Variants in ENOX1 observed in about 807,000 individuals in gnomAD.
The protein encoded by ENOX1 is ecto-NOX disulfide-thiol exchanger 1.
A neutral mutation model predicts 82.5 loss-of-function variants in ENOX1; 42 were observed. That is an observed-to-expected ratio of 0.51 (90% confidence interval 0.40 to 0.66). The LOEUF is 0.66. Among genes scored for constraint, ENOX1 ranks in the 30% least tolerant of loss-of-function variants. The pLI is 0.00. For synonymous variants in ENOX1, 271 were observed against 282.2 expected (o/e 0.96, Z 0.40); for missense variants, 608 against 811.6 (o/e 0.75, Z 3.05).
At chr13:43,224,936 G>A (rs1224233628) in intron 15 of ENOX1, among the ~76,000 whole-genome samples, 1 of 152,178 alleles carries the variant, frequency 6.6e-6, no homozygotes, top group Non-Finnish European at 1.5e-5. Flanking sequence ...TGAACATGAG[G>A]AAGTCAACTC....
rs138082862 is a variant in ENOX1 at position 43,372,587 on chromosome 13, C to T, written c.209-11135G>A. 6.3e-3 allele frequency among the ~76,000 whole-genome samples: 953 copies of T among 152,212 alleles called. 4 individuals are homozygous for T. The highest frequency in any genetic ancestry group is 8.7e-3 in the Non-Finnish European group (592 of 68,008). The stretch of plus-strand genomic sequence containing the variant: ...CATAATCCCATGCCTCAGGGGAATA[C>T]TACAACCTAACAGGAACATAACTGA... On this transcript the variant is annotated intron_variant, in intron 5 of 16. Transcript: ENST00000690772.
At chr13:43,748,411 G>A (rs1460359537) in intron 1 of ENOX1, among the ~76,000 whole-genome samples, 2 of 152,214 alleles carry the variant, frequency 1.3e-5, no homozygotes, top group East Asian at 3.8e-4. Flanking sequence ...ATTCTGATAT[G>A]TAGGAATTAT....
chr13:43,634,875 T>C (rs372035855), intron 2 of ENOX1, among the ~76,000 whole-genome samples: 7 of 151,976 alleles, frequency 4.6e-5, no homozygotes, highest in Non-Finnish European at 1.0e-4. Context: ...AACACAGAAG[T>C]TGTAGGTGGG....
At chr13:43,253,061 C>G (rs1213594393) in intron 14 of ENOX1, among the ~76,000 whole-genome samples, 2 of 152,178 alleles carry the variant, frequency 1.3e-5, no homozygotes, top group Admixed American at 6.5e-5. Context: ...GCTTCCAATT[C>G]AAGAGCCTTA....
chr13:43,678,505 A>G (rs960496136), intron 1 of ENOX1, among the ~76,000 whole-genome samples: 13 of 152,192 alleles, frequency 8.5e-5, no homozygotes, highest in African/African-American at 2.9e-4. Context: ...GAATGAATGC[A>G]TGTGTCTGTC....
At chr13:43,249,958 T>A (rs2043357599) in intron 14 of ENOX1, among the ~76,000 whole-genome samples, 1 of 152,202 alleles carries the variant, frequency 6.6e-6, no homozygotes, top group Admixed American at 6.5e-5. Flanking sequence ...GCACTGGAGA[T>A]CTTCTGATTA....
chr13:43,285,089 C>T (rs9525756), intron 12 of ENOX1, among the ~76,000 whole-genome samples: 2 of 151,980 alleles, frequency 1.3e-5, no homozygotes, highest in African/African-American at 2.4e-5. Flanking sequence ...AAAGTGAGGA[C>T]CAGATTGGGC....
intron 2 of ENOX1, among the ~76,000 whole-genome samples, chr13:43,636,882 G>A (rs532042652): frequency 6.8e-4 from 103 of 152,274 alleles, no homozygotes; most frequent in South Asian, 2.7e-3. Context: ...GCAGGCAAGC[G>A]CATATTCTAT....
intron 1 of ENOX1, among the ~76,000 whole-genome samples, chr13:43,731,189 C>T (rs1298087529): frequency 6.6e-6 from 1 of 152,172 alleles, no homozygotes; most frequent in Admixed American, 6.5e-5. Context: ...TAGGTAATGA[C>T]CCCGGGTAAT....
chr13:43,607,339 T>C (rs976566242), intron 2 of ENOX1, among the ~76,000 whole-genome samples: 6 of 152,202 alleles, frequency 3.9e-5, no homozygotes, highest in African/African-American at 1.4e-4. Flanking sequence ...TTTCCTTCTT[T>C]ATTAATGAAG....
chr13:43,651,831 C>T lies in ENOX1; in HGVS notation c.-219+15648G>A, dbSNP rs374745310. 1.7e-3 allele frequency among the ~76,000 whole-genome samples: 256 copies of T among 151,538 alleles called. 1 individual carries two copies. Among genetic ancestry groups the T allele is most frequent in the African/African-American group, 4.9e-3 (204 of 41,334 alleles). On this transcript the variant is annotated intron_variant, in intron 2 of 16. Transcript: ENST00000690772. ...CTCTACTAAAAATACAAAAATTAGCCGGGGGTAGTGGCACATGCCTGTAAT... is the reference window on the plus strand; with the variant it reads ...CTCTACTAAAAATACAAAAATTAGCTGGGGGTAGTGGCACATGCCTGTAAT...
At chr13:43,519,069 G>T (rs1252179791) in intron 2 of ENOX1, among the ~76,000 whole-genome samples, 1 of 152,128 alleles carries the variant, frequency 6.6e-6, no homozygotes, top group Non-Finnish European at 1.5e-5. Context: ...GGGATCCAGA[G>T]AGCATGGATA....
intron 8 of ENOX1, among the ~76,000 whole-genome samples, chr13:43,346,114 A>T (rs1386895147): frequency 1.3e-5 from 2 of 152,146 alleles, no homozygotes; most frequent in Admixed American, 6.5e-5. Context: ...TGCTTTGTAA[A>T]TTTATAGGGT....
At chr13:43,388,528 T>C (rs1396795367) in intron 5 of ENOX1, among the ~76,000 whole-genome samples, 1 of 152,166 alleles carries the variant, frequency 6.6e-6, no homozygotes, top group Non-Finnish European at 1.5e-5. Context: ...TCTCTGCTCA[T>C]AAACAGTGAA....
At chr13:43,457,786 T>C (rs2057297716) in intron 3 of ENOX1, among the ~76,000 whole-genome samples, 1 of 152,176 alleles carries the variant, frequency 6.6e-6, no homozygotes, top group Non-Finnish European at 1.5e-5. Context: ...AAAATGCATA[T>C]GAAAAGCAGT....
At chr13:43,352,390 G>T (rs1186074929) in intron 8 of ENOX1, among the ~76,000 whole-genome samples, 1 of 152,198 alleles carries the variant, frequency 6.6e-6, no homozygotes, top group Non-Finnish European at 1.5e-5. Flanking sequence ...CGGTGAATTA[G>T]AATATAATCC....
chr13:43,565,327 CA>C (rs997923420), intron 2 of ENOX1, among the ~76,000 whole-genome samples: 3 of 152,120 alleles, frequency 2.0e-5, no homozygotes, highest in African/African-American at 7.2e-5. Context: ...GAGTCCTAAG[CA>C]AAAAGTAATT....
intron 3 of ENOX1, among the ~76,000 whole-genome samples, chr13:43,420,083 G>T (rs1289793458): frequency 6.6e-6 from 1 of 152,130 alleles, no homozygotes; most frequent in Admixed American, 6.5e-5. Context: ...ACAGTAAAAA[G>T]AAAGATACAT....
intron 1 of ENOX1, among the ~76,000 whole-genome samples, chr13:43,712,102 G>C (rs1468212194): frequency 1.3e-5 from 2 of 151,344 alleles, no homozygotes; most frequent in Non-Finnish European, 3.0e-5. Flanking sequence ...TTTTGTATAA[G>C]GTGTAAGGAA....
Sources: allele counts gnomAD v4.1 joint callset (sites outside exome capture counted in the v4.1 genomes callset), GRCh38; gene constraint gnomAD v4.1.1; transcripts MANE v1.5; gene names NCBI Gene and HGNC (gene_info 2026-07-23, HGNC 2026-07-21).